CXADR: variants seen among roughly 807,000 people sequenced by gnomAD.
The protein encoded by CXADR is CXADR cell adhesion molecule, also known as coxsackievirus and adenovirus receptor.
CXADR carries 20 observed loss-of-function variants against 40.3 expected under a neutral mutation model. The ratio of observed to expected loss-of-function variants is 0.50; its 90% confidence interval spans 0.35 to 0.72. CXADR has a LOEUF of 0.72. Among genes scored for constraint, CXADR ranks in the 30% least tolerant of loss-of-function variants. CXADR has a pLI of 0.01. For missense variants in CXADR, 332 were observed against 449.1 expected (o/e 0.74, Z 2.36); for synonymous variants, 150 against 161.3 (o/e 0.93, Z 0.53).
At chr21:17,553,325 T>G (rs1056812655) in intron 3 of CXADR, among the ~76,000 whole-genome samples, 1 of 152,232 alleles carries the variant, frequency 6.6e-6, no homozygotes, top group Non-Finnish European at 1.5e-5. Context: ...TGGGGATTTT[T>G]GTGTACCTTC....
chr21:17,590,917 C>T (rs2061430406), intron 7 of CXADR, among the ~76,000 whole-genome samples: 1 of 152,002 alleles, frequency 6.6e-6, no homozygotes, highest in Non-Finnish European at 1.5e-5. Context: ...AAATTACTAT[C>T]AGATGATCAG....
intron 1 of CXADR, among the ~76,000 whole-genome samples, chr21:17,514,380 C>T (rs1195139805): frequency 6.6e-6 from 1 of 152,064 alleles, no homozygotes; most frequent in Non-Finnish European, 1.5e-5. Context: ...TATAGCACTA[C>T]CTCCACCTTT....
chr21:17,539,231 T>G (rs1026242987), intron 1 of CXADR, among the ~76,000 whole-genome samples: 2 of 152,208 alleles, frequency 1.3e-5, no homozygotes, highest in African/African-American at 4.8e-5. Context: ...CATCTCAGCT[T>G]GCTGCCACTG....
At chr21:17,528,888 A>G (rs1445084790) in intron 1 of CXADR, among the ~76,000 whole-genome samples, 1 of 151,970 alleles carries the variant, frequency 6.6e-6, no homozygotes, top group Non-Finnish European at 1.5e-5. Flanking sequence ...GAATTTCGTC[A>G]CTAGTCCTGG....
chr21:17,524,872 G>A (rs998872502), intron 1 of CXADR, among the ~76,000 whole-genome samples: 4 of 152,092 alleles, frequency 2.6e-5, no homozygotes, highest in Admixed American at 2.0e-4. Flanking sequence ...TTGCACCACC[G>A]CACTCCAGCC....
At chr21:17,633,384 G>T in the CXADR span, among the ~76,000 whole-genome samples, 1 of 152,170 alleles carries the variant, frequency 6.6e-6, no homozygotes, top group East Asian at 1.9e-4. Context: ...GGGCAATATA[G>T]TGAGACTCCA....
intron 7 of CXADR, among the ~76,000 whole-genome samples, chr21:17,586,675 GTTAA>G (rs1436675455): frequency 6.6e-6 from 1 of 151,734 alleles, no homozygotes; most frequent in Non-Finnish European, 1.5e-5. Flanking sequence ...GAAGTAGGGG[GTTAA>G]TTTTTAAAAA....
Position 17,568,603 on chromosome 21 carries a change from C to G in CXADR, c.*2911C>G. 1 of 973,516 alleles carries G rather than the reference C, an allele frequency of 1.0e-6. No homozygotes were observed. Among genetic ancestry groups the G allele is most frequent in the Non-Finnish European group, 1.2e-6 (1 of 824,514 alleles). 60.3% of individuals were successfully genotyped at this position (973,516 alleles called of 1,614,324 possible). The stretch of plus-strand genomic sequence containing the variant: ...AGATAGGGTTTCACTATTGCTCAGG[C>G]TGGTCTCAAACTGCTGGGCTCAGGA... On this transcript the variant is annotated 3_prime_UTR_variant, in exon 7 of 7. Transcript: ENST00000284878.
At chr21:17,544,517 T>C (rs1451760658) in intron 1 of CXADR, among the ~76,000 whole-genome samples, 1 of 151,730 alleles carries the variant, frequency 6.6e-6, no homozygotes. Context: ...GGCTCAACAG[T>C]GGGGCTGCAG....
intron 1 of CXADR, among the ~76,000 whole-genome samples, chr21:17,517,155 A>G (rs2060472189): frequency 6.6e-6 from 1 of 152,212 alleles, no homozygotes; most frequent in African/African-American, 2.4e-5. Context: ...TGGGCCAGGA[A>G]ATGATATATT....
chr21:17,570,257 C>A (rs2061266895), downstream of CXADR: 1 of 867,160 alleles, frequency 1.2e-6, no homozygotes, highest in Non-Finnish European at 1.4e-6. Flanking sequence ...ATTAATACAT[C>A]ATTGAAAACA....
downstream of CXADR, among the ~76,000 whole-genome samples, chr21:17,570,388 CA>C (rs572870801): frequency 1.1e-4 from 17 of 152,236 alleles, 1 homozygote; most frequent in South Asian, 3.5e-3. Context: ...TAAACTCAAA[CA>C]TTTTTCAGAT....
chr21:17,557,851 G>T (rs73308272), intron 3 of CXADR, among the ~76,000 whole-genome samples: 1 of 152,140 alleles, frequency 6.6e-6, no homozygotes, highest in Admixed American at 6.5e-5. Context: ...ACTTCCTTGG[G>T]AGAGGGTTGG....
At chr21:17,592,087 A>G (rs1440551200) in intron 7 of CXADR, among the ~76,000 whole-genome samples, 1 of 152,004 alleles carries the variant, frequency 6.6e-6, no homozygotes, top group East Asian at 1.9e-4. Flanking sequence ...TGGTTTCCCC[A>G]AGAGGCCCTG....
chr21:17,528,765 A>G (rs182639212), intron 1 of CXADR, among the ~76,000 whole-genome samples: 10 of 152,190 alleles, frequency 6.6e-5, no homozygotes, highest in African/African-American at 2.4e-4. Context: ...CTCTAATATC[A>G]TGCCTCCCAG....
chr21:17,567,837 G>A lies in CXADR; in HGVS notation c.*2145G>A, dbSNP rs1479518759. On this transcript the variant is annotated 3_prime_UTR_variant, in exon 7 of 7. Transcript: ENST00000284878. ...ATCTAAGTAGAAGTTATCATAGAAA[G>A]TGGACACGTATAAGACTTTCCTTCC... is the stretch of plus-strand genomic sequence containing the variant. 8 of 960,956 alleles carry A rather than the reference G, an allele frequency of 8.3e-6. No homozygotes were observed. The highest frequency in any genetic ancestry group is 9.9e-6 in the Non-Finnish European group (8 of 809,064). The allele number at this position is 960,956 out of a possible 1,614,324, so 59.5% of individuals were successfully genotyped here.
chr21:17,606,612 T>G, the CXADR span, among the ~76,000 whole-genome samples: 19 of 152,178 alleles, frequency 1.2e-4, no homozygotes, highest in Admixed American at 2.0e-4. Flanking sequence ...TTACAAATTA[T>G]ATATAAATAT....
At chr21:17,596,150 A>T (rs952354611), downstream of CXADR, among the ~76,000 whole-genome samples, 1 of 151,806 alleles carries the variant, frequency 6.6e-6, no homozygotes, top group Non-Finnish European at 1.5e-5. Flanking sequence ...TTTACTAGTG[A>T]TTTGTGAGCG....
the CXADR span, among the ~76,000 whole-genome samples, chr21:17,615,426 G>T: frequency 6.6e-6 from 1 of 152,108 alleles, no homozygotes; most frequent in African/African-American, 2.4e-5. Context: ...ATATGTTCCA[G>T]GATCCCCAGT....
Sources: allele counts gnomAD v4.1 joint callset (sites outside exome capture counted in the v4.1 genomes callset), GRCh38; gene constraint gnomAD v4.1.1; transcripts MANE v1.5; gene names NCBI Gene and HGNC (gene_info 2026-07-23, HGNC 2026-07-21).